The following BMPR2 variants were observed in gnomAD, a reference collection of about 807,000 sequenced individuals.
The protein encoded by BMPR2 is bone morphogenetic protein receptor type-2.
A neutral mutation model predicts 100.8 loss-of-function variants in BMPR2; 29 were observed. That is an observed-to-expected ratio of 0.29 (90% CI 0.21 to 0.39). BMPR2 has a LOEUF of 0.39. Among genes scored for constraint, BMPR2 ranks in the 10% least tolerant of loss-of-function variants. The probability of loss-of-function intolerance (pLI) is 1.00; values close to 1 mark genes in which losing one functional copy is unlikely to be tolerated. For synonymous variants in BMPR2, 382 were observed against 442.3 expected, an observed-to-expected ratio of 0.86 and a Z score of 1.71; for missense variants, 1,011 against 1,274.5, an observed-to-expected ratio of 0.79 and a Z score of 3.15.
chr2:202,474,676 G>C (rs568642866), intron 3 of BMPR2: 1 of 152,024 alleles, frequency 6.6e-6, no homozygotes, highest in South Asian at 2.1e-4. Context: ...CTGCCACCAC[G>C]CCTGGCTAAT....
intron 9 of BMPR2, among the ~76,000 whole-genome samples, chr2:202,536,765 G>A (rs1027761068): frequency 1.3e-5 from 2 of 151,762 alleles, no homozygotes; most frequent in African/African-American, 4.8e-5. Flanking sequence ...CCAGCTACTT[G>A]GGAGGCTGAG....
Position 202,518,900 on chromosome 2 carries a change from T to C in BMPR2, c.700T>C (p.Phe234Leu). The change falls in exon 6 of 13, where the codon TTT (phenylalanine) becomes CTT (leucine). Residue 234 changes from phenylalanine to leucine, a missense_variant. Coordinates refer to ENST00000374580, the MANE Select transcript of BMPR2 (RefSeq NM_001204.7). ...ERPVAVKVFS[F>L]ANRQNFINEK... is the part of the protein sequence containing the mutation. ...TCCAGTTGCTGTAAAAGTGTTTTCC[T>C]TTGCAAACCGTCAGAATTTTATCAA... 3 of 1,614,234 alleles carry C rather than the reference T, an allele frequency of 1.9e-6. No individual in the cohort carries two copies. The highest frequency in any genetic ancestry group is 2.5e-6 in the Non-Finnish European group (3 of 1,180,046).
chr2:202,477,194 C>T (rs537471774), intron 3 of BMPR2, among the ~76,000 whole-genome samples: 15 of 152,262 alleles, frequency 9.9e-5, no homozygotes, highest in Admixed American at 5.2e-4. Context: ...CAAGATAATA[C>T]ACTAAAGTGC....
intron 9 of BMPR2, among the ~76,000 whole-genome samples, chr2:202,534,205 T>C (rs966129384): frequency 1.6e-4 from 22 of 139,264 alleles, no homozygotes; most frequent in Admixed American, 1.4e-4. Flanking sequence ...CACATATATA[T>C]GTATCGTGTG....
chr2:202,430,300 T>C (rs1013595391), intron 1 of BMPR2, among the ~76,000 whole-genome samples: 1 of 152,212 alleles, frequency 6.6e-6, no homozygotes, highest in African/African-American at 2.4e-5. Context: ...TGTAGCAGTA[T>C]GCAGTATTTG....
At chr2:202,544,003 T>TA (rs912688626) in intron 10 of BMPR2, among the ~76,000 whole-genome samples, 40 of 151,050 alleles carry the variant, frequency 2.6e-4, no homozygotes, top group African/African-American at 8.0e-4. Flanking sequence ...CCTGTCTCTT[T>TA]AAAAAAAAAT....
intron 1 of BMPR2, among the ~76,000 whole-genome samples, chr2:202,412,024 G>C (rs1257094027): frequency 6.6e-6 from 1 of 152,072 alleles, no homozygotes; most frequent in Non-Finnish European, 1.5e-5. Flanking sequence ...ACATTTCCTG[G>C]TTTTCATAAT....
chr2:202,415,680 A>G (rs1559031270), intron 1 of BMPR2, among the ~76,000 whole-genome samples: 1 of 152,208 alleles, frequency 6.6e-6, no homozygotes, highest in Admixed American at 6.5e-5. Context: ...GAATGGAACA[A>G]CAAAGCCTGA....
At chr2:202,484,126 TATAC>T (rs1170522150) in intron 3 of BMPR2, among the ~76,000 whole-genome samples, 1 of 152,220 alleles carries the variant, frequency 6.6e-6, no homozygotes, top group African/African-American at 2.4e-5. Context: ...GTAAGATTTC[TATAC>T]ATTGCTTTTA....
intron 1 of BMPR2, among the ~76,000 whole-genome samples, chr2:202,444,723 T>C (rs1320545187): frequency 2.0e-5 from 3 of 150,818 alleles, no homozygotes; most frequent in Non-Finnish European, 4.4e-5. Flanking sequence ...CATTTGGAAG[T>C]AGTGTATCTT....
chr2:202,408,023 C>T (rs1252283017), intron 1 of BMPR2, among the ~76,000 whole-genome samples: 25 of 151,800 alleles, frequency 1.6e-4, no homozygotes, highest in Admixed American at 1.6e-3. Context: ...TTAGTAGAGA[C>T]GGGGTTTCAC....
intron 3 of BMPR2, among the ~76,000 whole-genome samples, chr2:202,478,166 T>A (rs1692587121): frequency 6.6e-6 from 1 of 152,196 alleles, no homozygotes; most frequent in Non-Finnish European, 1.5e-5. Flanking sequence ...TGCATTTTTA[T>A]GCTTTTTGTT....
At position 202,378,611 on chromosome 2, in the gene BMPR2, C is replaced by G. The variant is rs535450025; in HGVS notation, c.76+1061C>G. Among the ~76,000 whole-genome samples, 4 of 152,130 alleles carry G rather than the reference C, an allele frequency of 2.6e-5. No individual in the cohort carries two copies. In the South Asian group the frequency reaches 8.3e-4, roughly 32 times the overall value. On this transcript the variant is annotated intron_variant, in intron 1 of 12. Coordinates refer to ENST00000374580, the MANE Select transcript of BMPR2 (RefSeq NM_001204.7). ...AATGCCGAAGAAAATTTGAAGTTTC[C>G]TTTTATGCTTTTGCTATTGTTGAAT... is the stretch of plus-strand genomic sequence containing the variant.
intron 1 of BMPR2, among the ~76,000 whole-genome samples, chr2:202,418,971 C>A (rs1245367984): frequency 6.6e-6 from 1 of 152,148 alleles, no homozygotes; most frequent in Non-Finnish European, 1.5e-5. Context: ...ATTCTGATTT[C>A]TTTCCTTATC....
At chr2:202,485,471 C>T (rs1046088312) in intron 3 of BMPR2, among the ~76,000 whole-genome samples, 4 of 149,804 alleles carry the variant, frequency 2.7e-5, no homozygotes, top group African/African-American at 7.3e-5. Flanking sequence ...TTTGTAGCTG[C>T]GTAATTCTAA....
At chr2:202,448,921 A>G (rs1402269528) in intron 1 of BMPR2, among the ~76,000 whole-genome samples, 1 of 129,318 alleles carries the variant, frequency 7.7e-6, no homozygotes, top group African/African-American at 3.1e-5. Context: ...TCAGTTTAGA[A>G]TTGGTGTGTG....
intron 1 of BMPR2, among the ~76,000 whole-genome samples, chr2:202,414,271 C>A (rs1228715208): frequency 6.6e-6 from 1 of 152,116 alleles, no homozygotes; most frequent in African/African-American, 2.4e-5. Context: ...GGAACCACAC[C>A]CATATAAAAT....
intron 1 of BMPR2, among the ~76,000 whole-genome samples, chr2:202,421,360 T>G (rs980006227): frequency 5.0e-4 from 75 of 150,204 alleles, no homozygotes; most frequent in African/African-American, 1.5e-3. Context: ...TATTTGCAGA[T>G]GTACAGTTAT....
Position 202,532,539 on chromosome 2 carries a change from A to C in BMPR2, c.1129-46A>C, listed in dbSNP as rs961556120. On this transcript the variant is annotated intron_variant, in intron 8 of 12. Transcript: ENST00000374580. This position sits in a 1 kb window ranked among gnomAD's most constrained non-coding sequence, Gnocchi z 4.1. ...TTCTGGTCTAATGTCTGTTCTTCAG[A>C]ATATGCTACGTTCTCTCTCTAAAAA... is the stretch of plus-strand genomic sequence containing the variant. 1 of 1,598,688 alleles carries C rather than the reference A, an allele frequency of 6.3e-7. No individual in the cohort carries two copies. Among genetic ancestry groups the C allele is most frequent in the Non-Finnish European group, 8.6e-7 (1 of 1,166,482 alleles).
Sources: allele counts gnomAD v4.1 joint callset (sites outside exome capture counted in the v4.1 genomes callset), GRCh38; gene constraint gnomAD v4.1.1; non-coding constraint Gnocchi (gnomAD v3.1); transcripts MANE v1.5; gene names NCBI Gene and HGNC (gene_info 2026-07-23, HGNC 2026-07-21).